DDAH1: variants seen among roughly 807,000 people sequenced by gnomAD.
The protein encoded by DDAH1 is N(G),N(G)-dimethylarginine dimethylaminohydrolase 1.
A neutral mutation model predicts 28.8 loss-of-function variants in DDAH1; 19 were observed. That is an observed-to-expected ratio of 0.66 (90% CI 0.46 to 0.97). The LOEUF (loss-of-function observed/expected upper bound fraction) is 0.97, where lower values mean the gene tolerates loss of function less well. Among genes scored for constraint, DDAH1 ranks in the 50% least tolerant of loss-of-function variants. The probability of loss-of-function intolerance (pLI) is 0.00; values close to 1 mark genes in which losing one functional copy is unlikely to be tolerated. For missense variants in DDAH1, 326 were observed against 375.9 expected, an observed-to-expected ratio of 0.87 and a Z score of 1.10; for synonymous variants, 153 against 154.4, an observed-to-expected ratio of 0.99 and a Z score of 0.07.
intron 2 of DDAH1, chr1:85,493,491 G>A (rs952300039): frequency 2.6e-5 from 4 of 152,200 alleles, no homozygotes; most frequent in Admixed American, 2.6e-4. Flanking sequence ...CAAGGGCAGT[G>A]TAGAAGGCTG....
At chr1:85,531,004 A>AG (rs1249739832) in intron 1 of DDAH1, among the ~76,000 whole-genome samples, 1 of 144,994 alleles carries the variant, frequency 6.9e-6, no homozygotes, top group Non-Finnish European at 1.5e-5. Flanking sequence ...AAAAAAAAAA[A>AG]AAAAAAAAAA....
At chr1:85,456,845 A>AC (rs753611992) in intron 1 of DDAH1, among the ~76,000 whole-genome samples, 46 of 151,756 alleles carry the variant, frequency 3.0e-4, no homozygotes, top group East Asian at 1.4e-3. Context: ...AACTTACAGG[A>AC]CCCCCCCACC....
Position 85,561,813 on chromosome 1 carries a change from C to T in DDAH1, c.-123+16171G>A, listed in dbSNP as rs1349626013. ...CTCTTGTCACCCAAAGGAAGGTCAA[C>T]TTAGAACGTATACTTCTATGGCTAC... On this transcript the variant is annotated intron_variant, in intron 1 of 6. Transcript: ENST00000426972. 2.0e-5 allele frequency among the ~76,000 whole-genome samples: 3 copies of T among 152,180 alleles called. No homozygotes were observed. The East Asian group carries it at 5.8e-4, about 29-fold the overall frequency.
intron 1 of DDAH1, chr1:85,376,758 T>C (rs78065172): frequency 1.3e-5 from 2 of 150,474 alleles, no homozygotes; most frequent in Non-Finnish European, 3.0e-5. Context: ...TTTTTTTTTT[T>C]CCTGCAGCTT....
At chr1:85,426,928 A>AAAC (rs1553133534) in intron 1 of DDAH1, among the ~76,000 whole-genome samples, 12 of 147,174 alleles carry the variant, frequency 8.2e-5, no homozygotes, top group African/African-American at 2.4e-4. Flanking sequence ...AAACAAAAAA[A>AAAC]AAAAAAAAAA....
chr1:85,350,518 G>A lies in DDAH1; in HGVS notation c.494C>T (p.Thr165Ile). The change falls in exon 4 of 6, where the codon ACA becomes ATA. Residue 165 changes from threonine (T) to isoleucine (I), a missense_variant. Thr to Ile is a moderately conservative substitution (Grantham distance 89). Transcript: ENST00000284031. ...ADTFKDYAVSTVPVADGLHLK... is the reference protein window; with the variant it reads ...ADTFKDYAVSIVPVADGLHLK... Reference sequence around the variant, plus strand: ...ATGCAACCCATCTGCCACTGGCACTGTGGAGACTGCATAGTCCTACGTGGA... The same window carrying A: ...ATGCAACCCATCTGCCACTGGCACTATGGAGACTGCATAGTCCTACGTGGA... The A allele has an allele frequency of 6.2e-7, 1 of 1,614,142 alleles. No individual in the cohort carries two copies. The highest frequency in any genetic ancestry group is 8.5e-7 in the Non-Finnish European group (1 of 1,179,988).
intron 1 of DDAH1, among the ~76,000 whole-genome samples, chr1:85,432,173 C>G (rs1307338726): frequency 6.6e-6 from 1 of 152,166 alleles, no homozygotes; most frequent in Non-Finnish European, 1.5e-5. Flanking sequence ...TCCTGTTTGG[C>G]AGTCCTAGAG....
At chr1:85,568,546 G>A (rs1443723618) in intron 1 of DDAH1, among the ~76,000 whole-genome samples, 9 of 152,078 alleles carry the variant, frequency 5.9e-5, no homozygotes, top group African/African-American at 2.2e-4. Flanking sequence ...ACATTCACTA[G>A]CTATCATTAG....
chr1:85,561,855 G>A (rs1028583484), intron 1 of DDAH1, among the ~76,000 whole-genome samples: 1 of 152,104 alleles, frequency 6.6e-6, no homozygotes, highest in African/African-American at 2.4e-5. Context: ...AATTTTGACC[G>A]TGCTTCTGCC....
chr1:85,397,518 T>C (rs1651867301), intron 1 of DDAH1, among the ~76,000 whole-genome samples: 1 of 152,222 alleles, frequency 6.6e-6, no homozygotes, highest in African/African-American at 2.4e-5. Flanking sequence ...AATGTTTTAT[T>C]TTCCAGATTT....
intron 2 of DDAH1, among the ~76,000 whole-genome samples, chr1:85,481,549 C>A (rs1656016532): frequency 6.6e-6 from 1 of 152,108 alleles, no homozygotes; most frequent in Non-Finnish European, 1.5e-5. Context: ...ATACCACCAC[C>A]AATGATTTCT....
At chr1:85,393,487 C>T (rs1186144610) in intron 1 of DDAH1, among the ~76,000 whole-genome samples, 1 of 152,180 alleles carries the variant, frequency 6.6e-6, no homozygotes, top group African/African-American at 2.4e-5. Flanking sequence ...CTAAATTGGT[C>T]TCTAAAATAC....
intron 1 of DDAH1, among the ~76,000 whole-genome samples, chr1:85,522,925 GC>G (rs1348240007): frequency 3.3e-5 from 5 of 150,004 alleles, no homozygotes; most frequent in African/African-American, 1.2e-4. Flanking sequence ...CTTTCTATGT[GC>G]CCAGAATTGT....
At position 85,446,991 on chromosome 1, in the gene DDAH1, T is replaced by G. The variant is rs937294034; in HGVS notation, c.303+17752A>C. 3.9e-5 allele frequency among the ~76,000 whole-genome samples: 6 copies of G among 152,258 alleles called. 2 individuals carry two copies. The highest frequency in any genetic ancestry group is 6.5e-5 in the Admixed American group (1 of 15,296). ...TTTCAACAGGAAGAAAGAAAGGTGG[T>G]CATCATTGAATTTTAAAACTCAATG... On this transcript the variant is annotated intron_variant, in intron 1 of 5. Coordinates refer to ENST00000284031, the MANE Select transcript of DDAH1 (RefSeq NM_012137.4).
At chr1:85,331,265 T>C (rs576880743) in intron 4 of DDAH1, among the ~76,000 whole-genome samples, 42 of 152,240 alleles carry the variant, frequency 2.8e-4, no homozygotes, top group Non-Finnish European at 5.0e-4. Flanking sequence ...ATGGTAATTA[T>C]GTTTTAAAAA....
chr1:85,372,329 T>C (rs978860852), intron 1 of DDAH1, among the ~76,000 whole-genome samples: 2 of 152,154 alleles, frequency 1.3e-5, no homozygotes. Context: ...TTTCAAGAAA[T>C]TGTCCTAGGT....
intron 1 of DDAH1, among the ~76,000 whole-genome samples, chr1:85,544,992 T>C (rs537213662): frequency 5.5e-4 from 84 of 152,154 alleles, no homozygotes; most frequent in African/African-American, 2.0e-3. Flanking sequence ...AAGTGGGGGG[T>C]TGGAGAAGAG....
chr1:85,515,701 T>C (rs2100756055), intron 1 of DDAH1, among the ~76,000 whole-genome samples: 1 of 152,198 alleles, frequency 6.6e-6, no homozygotes, highest in African/African-American at 2.4e-5. Context: ...TGAGTATGAC[T>C]TCTTAGGGTG....
At chr1:85,563,173 T>C (rs746590732) in intron 1 of DDAH1, among the ~76,000 whole-genome samples, 19 of 152,088 alleles carry the variant, frequency 1.2e-4, no homozygotes, top group African/African-American at 2.7e-4. Context: ...GTGAAGCAAG[T>C]ATGTCTAGAG....
Sources: gnomAD v4.1 joint callset for allele counts (sites outside exome capture counted in the v4.1 genomes callset) on GRCh38, gnomAD v4.1.1 for gene constraint, MANE v1.5 for transcripts, NCBI Gene and HGNC (gene_info 2026-07-23, HGNC 2026-07-21) for gene names.